Variants in ERICH6 observed in about 807,000 individuals in gnomAD.
The protein encoded by ERICH6 is glutamate rich 6, also known as glutamate-rich protein 6.
ERICH6 carries 71 observed loss-of-function variants against 71.0 expected under a neutral mutation model. The observed-to-expected ratio is 1.00, with a 90% CI of 0.83 to 1.22. ERICH6 has a LOEUF of 1.22. Ranked by LOEUF, ERICH6 falls within the 50% of genes most tolerant of loss-of-function variation. ERICH6 has a pLI of 0.00. For missense variants in ERICH6, 808 were observed against 797.2 expected, an observed-to-expected ratio of 1.01 and a Z score of -0.16; for synonymous variants, 262 against 278.4, an observed-to-expected ratio of 0.94 and a Z score of 0.59.
chr3:150,683,518 C>T (rs759719631), intron 6 of ERICH6, among the ~76,000 whole-genome samples: 1 of 152,182 alleles, frequency 6.6e-6, no homozygotes, highest in Non-Finnish European at 1.5e-5. Flanking sequence ...TAATCCCGCA[C>T]TTTGGGAGGC....
intron 3 of ERICH6, among the ~76,000 whole-genome samples, chr3:150,693,625 CT>C (rs57175600): frequency 0.17 from 25,055 of 151,438 alleles, 2,241 homozygotes; most frequent in East Asian, 0.35. Flanking sequence ...AAAATAATTA[CT>C]TTTTTTTTAC....
rs751042112 is a variant in ERICH6, at chr3:150,702,193, A to G, written c.404-15T>C. The G allele has an allele frequency of 3.8e-6, 6 of 1,559,506 alleles. No homozygotes were observed. The Middle Eastern group carries it at 5.4e-4, about 140-fold the overall frequency. On this transcript the variant is annotated splice_polypyrimidine_tract_variant and intron_variant, in intron 1 of 13. Transcript: ENST00000295910. The stretch of plus-strand genomic sequence containing the variant: ...TTTAGGGAAACCTGTTGAATGAAAC[A>G]TTTAAAAATCAGCTATTCCCTCTAA...
At chr3:150,683,027 T>A (rs1316055340) in intron 6 of ERICH6, among the ~76,000 whole-genome samples, 6 of 152,128 alleles carry the variant, frequency 3.9e-5, no homozygotes, top group African/African-American at 4.8e-5. Flanking sequence ...CAGCCAAGCC[T>A]CAGGACAGGC....
chr3:150,665,178 A>C (rs904608987), intron 13 of ERICH6, among the ~76,000 whole-genome samples: 1 of 152,150 alleles, frequency 6.6e-6, no homozygotes, highest in Non-Finnish European at 1.5e-5. Context: ...GACTTACTGA[A>C]AGGAACTGGA....
rs769062226 is a variant in ERICH6 at position 150,703,729 on chromosome 3, TCCACCA to T, written c.164_169del (p.Val55_Val56del). 1.9e-6 allele frequency: 3 copies of T among 1,599,690 alleles called. No individual in the cohort carries two copies. Among genetic ancestry groups the T allele is most frequent in the South Asian group, 2.3e-5 (2 of 88,432 alleles). ...CTGCTCTTCCCCCACCAACTCCTCCTCCACCACCTCCTCCTCCTCCTCCTCCACCTC... is the reference window on the plus strand; with the variant it reads ...CTGCTCTTCCCCCACCAACTCCTCCTCCTCCTCCTCCTCCTCCTCCACCTC... On this transcript the variant is annotated inframe_deletion, in exon 1 of 14. Coordinates refer to ENST00000295910, the MANE Select transcript of ERICH6 (RefSeq NM_152394.5).
chr3:150,673,196 CTCTT>C (rs767270388), intron 11 of ERICH6, among the ~76,000 whole-genome samples: 17 of 148,970 alleles, frequency 1.1e-4, no homozygotes, highest in Admixed American at 3.4e-4. Context: ...TCTTTCCTCT[CTCTT>C]TCTTTCTTTC....
chr3:150,689,949 C>T (rs890929377), intron 3 of ERICH6, among the ~76,000 whole-genome samples: 2 of 152,206 alleles, frequency 1.3e-5, no homozygotes, highest in Non-Finnish European at 2.9e-5. Context: ...GATATAGTTA[C>T]TGCAACAGAG....
At chr3:150,702,884 A>G (rs1712954946) in intron 1 of ERICH6, among the ~76,000 whole-genome samples, 1 of 98,698 alleles carries the variant, frequency 1.0e-5, no homozygotes, top group Non-Finnish European at 1.9e-5. Flanking sequence ...TCTGGAAATA[A>G]TATGAGTGTG....
intron 3 of ERICH6, among the ~76,000 whole-genome samples, chr3:150,693,177 A>G (rs569680945): frequency 6.6e-6 from 1 of 152,340 alleles, no homozygotes; most frequent in Non-Finnish European, 1.5e-5. Context: ...CAGAATTTAG[A>G]AACTATTTGT....
At chr3:150,682,193 A>C in intron 7 of ERICH6, 25 bp downstream of exon 7, 1 of 1,554,246 alleles carries the variant, frequency 6.4e-7, no homozygotes, top group Non-Finnish European at 8.9e-7. Context: ...TACTATTTCC[A>C]CAGTAAACCT....
intron 3 of ERICH6, among the ~76,000 whole-genome samples, chr3:150,688,671 C>A (rs1177847934): frequency 6.6e-6 from 1 of 152,220 alleles, no homozygotes. Flanking sequence ...CTGATTGCCT[C>A]CTTTGGAGAG....
At chr3:150,674,147 TA>T in intron 10 of ERICH6, 106 bp from the exon 11 acceptor site, 1 of 869,740 alleles carries the variant, frequency 1.1e-6, no homozygotes. Flanking sequence ...ACAAATCAAT[TA>T]TTAATTTAAA....
At chr3:150,701,519 C>T (rs1329453740) in intron 2 of ERICH6, among the ~76,000 whole-genome samples, 1 of 152,014 alleles carries the variant, frequency 6.6e-6, no homozygotes, top group African/African-American at 2.4e-5. Flanking sequence ...AAAAGGATAA[C>T]TAAAAACATG....
Position 150,686,372 on chromosome 3 carries a change from A to T in ERICH6, c.554-18T>A, listed in dbSNP as rs774366552. The T allele has an allele frequency of 6.2e-6, 10 of 1,610,394 alleles. No individual in the cohort carries two copies. The South Asian group carries it at 1.1e-4, about 18-fold the overall frequency. ...TTTCTTCCCTGTGAAAACAGGGTAC[A>T]TGTGTCATCAATCTGACAAAGTAGA... On this transcript the variant is annotated intron_variant, in intron 3 of 13. Transcript: ENST00000295910.
At chr3:150,675,165 A>G (rs1405690327) in intron 10 of ERICH6, among the ~76,000 whole-genome samples, 2 of 152,172 alleles carry the variant, frequency 1.3e-5, no homozygotes, top group Non-Finnish European at 1.5e-5. Context: ...ATATCTCATT[A>G]TGAATATGGT....
chr3:150,685,984 A>G lies in ERICH6; in HGVS notation c.648T>C (p.Asn216=). ...TTCTTACCTCCAGCTCATATAAAAT[A>G]TTTAGTTTCGACTCTTCTGGATTAA... ...WVINPEESKL[N]ILYELEFKED... The change falls in exon 5 of 14, where the codon AAT becomes AAC. Residue 216 remains asparagine, a synonymous_variant. Coordinates refer to ENST00000295910, the MANE Select transcript of ERICH6 (RefSeq NM_152394.5). 1 of 1,604,484 alleles carries G rather than the reference A, an allele frequency of 6.2e-7. No homozygotes were observed. Among genetic ancestry groups the G allele is most frequent in the Non-Finnish European group, 8.5e-7 (1 of 1,171,154 alleles).
chr3:150,674,897 C>T (rs889838724), intron 10 of ERICH6, among the ~76,000 whole-genome samples: 10 of 151,940 alleles, frequency 6.6e-5, no homozygotes, highest in Non-Finnish European at 1.0e-4. Context: ...CTTTGGGAGG[C>T]TGAGGCAGGT....
intron 13 of ERICH6, among the ~76,000 whole-genome samples, chr3:150,662,595 C>A (rs1727264000): frequency 6.6e-6 from 1 of 152,120 alleles, no homozygotes; most frequent in Admixed American, 6.5e-5. Context: ...ATTTCCTGAC[C>A]ATTTTGAAAT....
chr3:150,686,205 T>C, intron 4 of ERICH6, 93 bp downstream of exon 4: 1 of 1,459,642 alleles, frequency 6.9e-7, no homozygotes, highest in Non-Finnish European at 9.6e-7. Context: ...GAGTCCTTTT[T>C]CAAAGCAGAT....
Sources: allele counts gnomAD v4.1 joint callset (sites outside exome capture counted in the v4.1 genomes callset), GRCh38; gene constraint gnomAD v4.1.1; transcripts MANE v1.5; gene names NCBI Gene and HGNC (gene_info 2026-07-23, HGNC 2026-07-21).